PTPRS: variants seen among roughly 807,000 people sequenced by gnomAD.
The protein encoded by PTPRS is receptor-type tyrosine-protein phosphatase S.
Under a neutral mutation model 215.3 loss-of-function variants are expected in PTPRS, and 63 were observed. The ratio of observed to expected loss-of-function variants is 0.29; its 90% CI spans 0.24 to 0.36. PTPRS has a LOEUF of 0.36. Ranked by LOEUF, PTPRS falls within the 10% of genes least tolerant of loss-of-function variation. The pLI is 1.00. For synonymous variants in PTPRS, 1,404 were observed against 1,191.4 expected, an observed-to-expected ratio of 1.18 and a Z score of -3.68; for missense variants, 2,258 against 2,825.8, an observed-to-expected ratio of 0.80 and a Z score of 4.56.
chr19:5,211,386 T>G (rs1464513746), intron 33 of PTPRS, among the ~76,000 whole-genome samples: 1 of 152,156 alleles, frequency 6.6e-6, no homozygotes, highest in African/African-American at 2.4e-5. Context: ...GGAATCACAT[T>G]ATGGACAGCA....
At chr19:5,255,022 A>T (rs1405977529) in intron 9 of PTPRS, among the ~76,000 whole-genome samples, 2 of 152,168 alleles carry the variant, frequency 1.3e-5, no homozygotes, top group Non-Finnish European at 2.9e-5. Flanking sequence ...AATGAATAAG[A>T]ACTCAAAATG....
Position 5,243,997 on chromosome 19 carries a change from GCAGGC to G in PTPRS, c.1469_1473del (p.Ser490ThrfsTer135). The stretch of plus-strand genomic sequence containing the variant: ...CGCACGGTGTAGGTCTCGTCCTCCA[GCAGGC>G]TGCCCACGGTGGTCAGCAGGCTGTC... On this transcript the variant is annotated frameshift_variant, in exon 11 of 38. Coordinates refer to ENST00000262963, the MANE Select transcript of PTPRS (RefSeq NM_002850.4). LOFTEE classifies it high-confidence loss of function. The G allele has an allele frequency of 6.8e-7, 1 of 1,469,842 alleles. No individual in the cohort carries two copies. Among genetic ancestry groups the G allele is most frequent in the Non-Finnish European group, 9.1e-7 (1 of 1,104,630 alleles). 91.0% of individuals were successfully genotyped at this position (1,469,842 alleles called of 1,614,324 possible).
chr19:5,270,452 G>A (rs550827411), intron 4 of PTPRS, among the ~76,000 whole-genome samples: 20 of 151,978 alleles, frequency 1.3e-4, no homozygotes, highest in African/African-American at 4.8e-4. Context: ...CATTACACCA[G>A]GCTAAGTTTT....
At chr19:5,304,666 C>CA (rs1356794462) in intron 1 of PTPRS, among the ~76,000 whole-genome samples, 2 of 151,848 alleles carry the variant, frequency 1.3e-5, no homozygotes, top group African/African-American at 4.8e-5. Flanking sequence ...AAAAAGCAAA[C>CA]AAAAAGAGAT....
chr19:5,243,172 G>A (rs2044194005), intron 11 of PTPRS, among the ~76,000 whole-genome samples: 1 of 146,270 alleles, frequency 6.8e-6, no homozygotes, highest in Non-Finnish European at 1.5e-5. Context: ...CGTTTCACTT[G>A]TCGCCCAGGC....
Position 5,212,155 on chromosome 19 carries a change from G to A in PTPRS, c.4865C>T (p.Thr1622Met), listed in dbSNP as rs775731386. ...EKTVDVYGHV[T>M]LMRSQRNYMV... Reference sequence around the variant, plus strand: ...GTAGTTGCGCTGGGACCTCATGAGCGTCACGTGGCCATAGACATCGACTGT... The same window carrying A: ...GTAGTTGCGCTGGGACCTCATGAGCATCACGTGGCCATAGACATCGACTGT... The change falls in exon 32 of 38, where the codon ACG (threonine) becomes ATG (methionine). Residue 1622 changes from threonine to methionine, a missense_variant. Thr to Met is a moderately conservative substitution (Grantham distance 81). Coordinates refer to ENST00000262963, the MANE Select transcript of PTPRS (RefSeq NM_002850.4). 1.2e-5 allele frequency: 19 copies of A among 1,613,958 alleles called. No individual in the cohort carries two copies. Among genetic ancestry groups the A allele is most frequent in the East Asian group, 2.2e-5 (1 of 44,900 alleles).
chr19:5,213,630 G>A (rs1297010274), intron 30 of PTPRS, among the ~76,000 whole-genome samples: 1 of 152,140 alleles, frequency 6.6e-6, no homozygotes, highest in East Asian at 1.9e-4. Flanking sequence ...GTTAGGGAGT[G>A]AGATATAACA....
At position 5,235,950 on chromosome 19, in the gene PTPRS, C is replaced by T. The variant is rs112505929; in HGVS notation, c.1849+2969G>A. Reference sequence around the variant, plus strand: ...GTGATAATAAACTTCATTTTCTGCACGCCTACTGCAGGTGCAGCACCCTCA... The same window carrying T: ...GTGATAATAAACTTCATTTTCTGCATGCCTACTGCAGGTGCAGCACCCTCA... On this transcript the variant is annotated intron_variant, in intron 13 of 37. Transcript: ENST00000262963. Among the ~76,000 whole-genome samples the T allele has an allele frequency of 8.4e-4, 128 of 152,326 alleles. 1 individual carries two copies. The highest frequency in any genetic ancestry group is 2.9e-3 in the African/African-American group (120 of 41,572).
rs994076054 is a variant in PTPRS, at chr19:5,237,523, G to A, written c.1849+1396C>T. 6.6e-6 allele frequency among the ~76,000 whole-genome samples: 1 copy of A among 152,228 alleles called. No homozygotes were observed. Among genetic ancestry groups the A allele is most frequent in the Non-Finnish European group, 1.5e-5 (1 of 68,030 alleles). On this transcript the variant is annotated intron_variant, in intron 13 of 37. Coordinates refer to ENST00000262963, the MANE Select transcript of PTPRS (RefSeq NM_002850.4). This position sits in a 1 kb window ranked among gnomAD's most constrained non-coding sequence, Gnocchi z 4.2. ...CGGGAAGGGATGTGTGCAAAGACGT[G>A]GATGTGCGTGCGTGGGCAGCGTGGC...
chr19:5,228,347 G>GAAAAAAAAAAAAAAAAAAAAAAAAAAA (rs71170899), intron 16 of PTPRS, among the ~76,000 whole-genome samples: 11 of 105,860 alleles, frequency 1.0e-4, no homozygotes, highest in African/African-American at 3.9e-4. Context: ...TCCGTCTGGA[G>GAAAAAAAAAAAAAAAAAAAAAAAAAAA]AAAAAAAAAA....
Position 5,210,371 on chromosome 19 carries a change from T to G in PTPRS, c.5487+98A>C. 1 of 1,530,324 alleles carries G rather than the reference T, an allele frequency of 6.5e-7. No individual in the cohort carries two copies. Among genetic ancestry groups the G allele is most frequent in the Non-Finnish European group, 8.9e-7 (1 of 1,117,878 alleles). 94.8% of individuals were successfully genotyped at this position (1,530,324 alleles called of 1,614,324 possible). A position where few individuals can be genotyped will look rare whatever the true frequency, so the allele number is the denominator to read the frequency against. ...CACTTCTCCTGATTCCCAATGCTTA[T>G]GCCTAACCCTTGGCCTTTGTATCCA... is the stretch of plus-strand genomic sequence containing the variant. On this transcript the variant is annotated intron_variant, in intron 35 of 37. Transcript: ENST00000262963. The surrounding 1 kb of genome is among the most constrained non-coding windows in gnomAD (Gnocchi z 4.5).
chr19:5,312,566 CAGG>C (rs2049741229), intron 1 of PTPRS, among the ~76,000 whole-genome samples: 1 of 152,174 alleles, frequency 6.6e-6, no homozygotes, highest in African/African-American at 2.4e-5. Flanking sequence ...GAGGCCAAGG[CAGG>C]AGGACTGCTT....
At chr19:5,269,564 C>T (rs148569819) in intron 4 of PTPRS, among the ~76,000 whole-genome samples, 2 of 151,942 alleles carry the variant, frequency 1.3e-5, no homozygotes, top group African/African-American at 4.8e-5. Context: ...AGGCCCCGGG[C>T]CCCAGCAGGA....
At chr19:5,219,602 G>C (rs1253509854) in intron 22 of PTPRS, 135 bp from the exon 23 acceptor site, 1 of 1,152,122 alleles carries the variant, frequency 8.7e-7, no homozygotes, top group Admixed American at 3.1e-5. Context: ...GACCCTGGTG[G>C]CCTATGTGAC....
Position 5,222,767 on chromosome 19 carries a change from G to C in PTPRS, c.3025C>G (p.Gln1009Glu). The C allele has an allele frequency of 6.3e-7, 1 of 1,599,018 alleles. No individual in the cohort carries two copies. The highest frequency in any genetic ancestry group is 1.1e-5 in the South Asian group (1 of 90,988). The change falls in exon 18 of 38, where the codon CAA (glutamine) becomes GAA (glutamate). Residue 1009 changes from glutamine (Q) to glutamate (E), a missense_variant. Gln to Glu is a conservative substitution (Grantham distance 29, BLOSUM62 2). Around this residue, in one of 6 missense-constraint regions of PTPRS, gnomAD observed 361 missense variants for 332.6 expected, o/e 1.09. Transcript: ENST00000262963. The stretch of plus-strand genomic sequence containing the variant: ...CCCCGGCGCGTGTGGGCTCGCACTT[G>C]GAGGTCATAGGCCGTGTCGGGCTTC... ...GLKPDTAYDL[Q>E]VRAHTRRGPG...
intron 18 of PTPRS, 93 bp from the exon 19 acceptor site, chr19:5,222,313 GC>G: frequency 1.9e-6 from 2 of 1,059,108 alleles, no homozygotes; most frequent in Non-Finnish European, 2.9e-6. Flanking sequence ...GGGTGGGGCG[GC>G]CCAGGCGCTC....
intron 1 of PTPRS, among the ~76,000 whole-genome samples, chr19:5,314,103 A>G (rs561200071): frequency 4.6e-5 from 7 of 152,284 alleles, no homozygotes; most frequent in African/African-American, 1.7e-4. Flanking sequence ...CAGCCACTGC[A>G]TTCCAGCCTG....
Position 5,333,104 on chromosome 19 carries a change from A to G in PTPRS, c.-95+7560T>C, listed in dbSNP as rs184621915. 7.9e-5 allele frequency among the ~76,000 whole-genome samples: 12 copies of G among 152,156 alleles called. No homozygotes were observed. In the East Asian group the frequency reaches 2.1e-3, roughly 27 times the overall value. On this transcript the variant is annotated intron_variant, in intron 1 of 37. Transcript: ENST00000262963. Reference sequence around the variant, plus strand: ...GCGGAGATTGCAGTGAGCTGAGATCACGCCGTTGCACTCCAGCCTGGCGAC... The same window carrying G: ...GCGGAGATTGCAGTGAGCTGAGATCGCGCCGTTGCACTCCAGCCTGGCGAC...
rs557613067 is a variant in PTPRS at position 5,206,408 on chromosome 19, C to T, written c.*366G>A. 8.1e-5 allele frequency: 22 copies of T among 270,618 alleles called. No homozygotes were observed. The highest frequency in any genetic ancestry group is 2.6e-4 in the Admixed American group (5 of 19,116). The allele number at this position is 270,618 out of a possible 1,614,324, so 16.8% of individuals were successfully genotyped here. A position where few individuals can be genotyped will look rare whatever the true frequency, so the allele number is the denominator to read the frequency against. On this transcript the variant is annotated 3_prime_UTR_variant, in exon 38 of 38. Transcript: ENST00000262963. ...GGAGCCCCCCGGGTCCCCCTACCAC[C>T]GCTGGGGGAGGACGAGGGGTCCGTC...
Sources: allele counts gnomAD v4.1 joint callset (sites outside exome capture counted in the v4.1 genomes callset), GRCh38; gene constraint gnomAD v4.1.1; regional missense constraint gnomAD v4.1.1; non-coding constraint Gnocchi (gnomAD v3.1); transcripts MANE v1.5; gene names NCBI Gene and HGNC (gene_info 2026-07-23, HGNC 2026-07-21).